The following SPOCK3 variants were observed in gnomAD, a reference collection of about 807,000 sequenced individuals.
The protein encoded by SPOCK3 is SPARC (osteonectin), cwcv and kazal like domains proteoglycan 3, also known as testican-3.
In SPOCK3, 30 loss-of-function variants were observed where a neutral mutation model predicts 56.6. That is an observed-to-expected ratio of 0.53 (90% CI 0.40 to 0.72). SPOCK3 has a LOEUF of 0.72. SPOCK3 is among the 30% of genes least tolerant of loss of function. The probability of loss-of-function intolerance (pLI) is 0.00; values close to 1 mark genes in which losing one functional copy is unlikely to be tolerated. For synonymous variants in SPOCK3, 196 were observed against 183.3 expected (o/e 1.07, Z -0.56); for missense variants, 527 against 530.0 (o/e 0.99, Z 0.06).
intron 3 of SPOCK3, among the ~76,000 whole-genome samples, chr4:167,021,519 C>G (rs540526593): frequency 4.9e-4 from 74 of 152,044 alleles, no homozygotes; most frequent in African/African-American, 1.7e-3. Context: ...TATCTGGGGA[C>G]TGTGGTAACT....
intron 2 of SPOCK3, among the ~76,000 whole-genome samples, chr4:167,113,795 G>A (rs947724698): frequency 2.6e-5 from 4 of 152,010 alleles, no homozygotes; most frequent in African/African-American, 9.7e-5. Context: ...ATGGACAAAG[G>A]TGAAGAGTAT....
In SPOCK3 at chr4:166,792,186, C is replaced by T; in HGVS notation, c.693G>A (p.Leu231=). The T allele has an allele frequency of 6.2e-7, 1 of 1,613,832 alleles. No homozygotes were observed. Among genetic ancestry groups the T allele is most frequent in the Non-Finnish European group, 8.5e-7 (1 of 1,179,812 alleles). ...GSQNKKTKTL[L]RPERSRFDTS... is the part of the protein sequence containing the mutation. ...AAATCTTACTGCTTCTCTCAGGCCT[C>T]AGCAATGTTTTTGTCTTCTTGTTTT... Residue 231 remains leucine (L), a synonymous_variant, in exon 7 of 11, where the codon CTG becomes CTA. Transcript: ENST00000357545.
chr4:167,028,280 G>A (rs115322168), intron 3 of SPOCK3, among the ~76,000 whole-genome samples: 3,697 of 151,196 alleles, frequency 0.024, 61 homozygotes, highest in African/African-American at 0.043. Context: ...GGGAGACTGA[G>A]GCAAGAGGAT....
intron 8 of SPOCK3, among the ~76,000 whole-genome samples, 182 bp from the exon 9 acceptor site, chr4:166,742,241 C>A (rs1162110753): frequency 1.2e-5 from 1 of 86,352 alleles, no homozygotes; most frequent in Non-Finnish European, 2.3e-5. Flanking sequence ...TATCATCTAT[C>A]TATCTATCTA....
At chr4:166,986,991 T>G (rs1275580145) in intron 4 of SPOCK3, among the ~76,000 whole-genome samples, 1 of 152,192 alleles carries the variant, frequency 6.6e-6, no homozygotes, top group Non-Finnish European at 1.5e-5. Context: ...ACCTAGAATT[T>G]AACTGTTGCT....
chr4:167,165,008 T>C (rs1473713066), intron 2 of SPOCK3, among the ~76,000 whole-genome samples: 1 of 151,942 alleles, frequency 6.6e-6, no homozygotes. Flanking sequence ...CAGTGAGGAG[T>C]CTTCACACTG....
At chr4:166,927,606 A>G (rs983291004) in intron 4 of SPOCK3, among the ~76,000 whole-genome samples, 3 of 152,222 alleles carry the variant, frequency 2.0e-5, no homozygotes, top group African/African-American at 7.2e-5. Flanking sequence ...TAAATGTACA[A>G]TGCAAAACTA....
intron 2 of SPOCK3, among the ~76,000 whole-genome samples, chr4:167,109,585 T>C (rs992872126): frequency 2.2e-5 from 3 of 135,632 alleles, no homozygotes; most frequent in African/African-American, 8.1e-5. Flanking sequence ...ATATTTATTA[T>C]ATATATATAT....
chr4:167,001,168 A>G (rs1349688412), intron 3 of SPOCK3, among the ~76,000 whole-genome samples: 1 of 152,194 alleles, frequency 6.6e-6, no homozygotes, highest in East Asian at 1.9e-4. Context: ...TAAGTTTACA[A>G]CCAATATTTT....
At chr4:166,905,694 A>G (rs1418132594) in intron 5 of SPOCK3, among the ~76,000 whole-genome samples, 1 of 151,992 alleles carries the variant, frequency 6.6e-6, no homozygotes, top group Non-Finnish European at 1.5e-5. Context: ...ATAAACCTGC[A>G]TGTATTCATG....
chr4:167,174,497 C>T (rs1257454286), intron 2 of SPOCK3, among the ~76,000 whole-genome samples: 4 of 151,440 alleles, frequency 2.6e-5, no homozygotes, highest in Non-Finnish European at 5.9e-5. Context: ...ATTTACAGTT[C>T]CCCGGGTTGA....
At chr4:166,966,995 C>A (rs932562305) in intron 4 of SPOCK3, among the ~76,000 whole-genome samples, 2 of 152,088 alleles carry the variant, frequency 1.3e-5, no homozygotes. Context: ...CTCTAGGTAT[C>A]CCCTGAATTC....
At chr4:166,933,350 G>A (rs944513268) in intron 4 of SPOCK3, among the ~76,000 whole-genome samples, 21 of 152,096 alleles carry the variant, frequency 1.4e-4, no homozygotes, top group South Asian at 4.1e-4. Flanking sequence ...GGGAGCTATG[G>A]CATTGCCTGA....
rs189882788 is a variant in SPOCK3 at position 166,933,280 on chromosome 4, T to G, written c.351-20537A>C. 2.4e-4 allele frequency among the ~76,000 whole-genome samples: 36 copies of G among 152,284 alleles called. No individual in the cohort carries two copies. The East Asian group carries it at 5.4e-3, about 23-fold the overall frequency. On this transcript the variant is annotated intron_variant, in intron 4 of 10. Transcript: ENST00000357545. ...AACCAAATAACCAAAAAACTATAAT[T>G]AAACTTTTAACGGCTTCCTTTTGAT... is the stretch of plus-strand genomic sequence containing the variant.
At chr4:167,016,454 G>A (rs952059149) in intron 3 of SPOCK3, among the ~76,000 whole-genome samples, 1 of 151,882 alleles carries the variant, frequency 6.6e-6, no homozygotes, top group African/African-American at 2.4e-5. Flanking sequence ...TTAACTTTTA[G>A]AATGTAAAAT....
At chr4:166,980,140 A>G (rs1746408017) in intron 4 of SPOCK3, among the ~76,000 whole-genome samples, 1 of 152,194 alleles carries the variant, frequency 6.6e-6, no homozygotes, top group Non-Finnish European at 1.5e-5. Flanking sequence ...TTCATGGTGA[A>G]CTTCACAGCA....
At chr4:167,021,916 G>T (rs567825068) in intron 3 of SPOCK3, among the ~76,000 whole-genome samples, 5 of 152,106 alleles carry the variant, frequency 3.3e-5, no homozygotes, top group Admixed American at 2.0e-4. Context: ...CCTTCGGTGG[G>T]TATTAAGCTT....
chr4:167,138,316 G>A (rs1763275852), intron 2 of SPOCK3, among the ~76,000 whole-genome samples: 1 of 151,712 alleles, frequency 6.6e-6, no homozygotes, highest in Admixed American at 6.6e-5. Flanking sequence ...TCAATGTTTA[G>A]TCCTATTTAC....
intron 2 of SPOCK3, among the ~76,000 whole-genome samples, chr4:167,062,898 T>C (rs553987301): frequency 6.6e-6 from 1 of 152,024 alleles, no homozygotes; most frequent in African/African-American, 2.4e-5. Context: ...AACATGCAGA[T>C]AATTACCTAA....
Sources: allele counts gnomAD v4.1 joint callset (sites outside exome capture counted in the v4.1 genomes callset), GRCh38; gene constraint gnomAD v4.1.1; transcripts MANE v1.5; gene names NCBI Gene and HGNC (gene_info 2026-07-23, HGNC 2026-07-21).